The following MCPH1 variants were observed in gnomAD, a reference collection of about 807,000 sequenced individuals.
MCPH1 encodes microcephalin.
Under a neutral mutation model 84.5 loss-of-function variants are expected in MCPH1, and 104 were observed. That is an observed-to-expected ratio of 1.23 (90% CI 1.05 to 1.45). The LOEUF is 1.45. Ranked by LOEUF, MCPH1 falls within the 40% of genes most tolerant of loss-of-function variation. MCPH1 has a pLI of 0.00. For synonymous variants in MCPH1, 514 were observed against 366.8 expected, an observed-to-expected ratio of 1.40 and a Z score of -4.58; for missense variants, 1,498 against 1,005.7, an observed-to-expected ratio of 1.49 and a Z score of -6.62.
rs574544550 is a variant in MCPH1, at chr8:6,444,994, G to C, written c.1272G>C (p.Arg424Ser). The change falls in exon 8 of 14, where the codon AGG (arginine) becomes AGC (serine). Residue 424 changes from arginine to serine, a missense_variant. By Grantham distance (110) the Arg-to-Ser change is moderately radical (BLOSUM62 -1). Transcript: ENST00000344683. ...TTTCACCTGATAATCTTAAGGAAAG[G>C]TATTCAGAGAATCTTCCTCCTGAAT... ...DYFSPDNLKE[R>S]YSENLPPESQ... The C allele has an allele frequency of 1.2e-6, 2 of 1,614,170 alleles. No individual in the cohort carries two copies. The highest frequency in any genetic ancestry group is 2.2e-5 in the South Asian group (2 of 91,082).
chr8:6,407,196 C>G (rs937632953), intron 1 of MCPH1: 24 of 171,054 alleles, frequency 1.4e-4, no homozygotes, highest in African/African-American at 5.3e-4. Context: ...TCGACCCCCT[C>G]TGAGGCCCAC....
At chr8:6,497,093 T>C (rs773300240) in intron 11 of MCPH1, among the ~76,000 whole-genome samples, 17 of 152,214 alleles carry the variant, frequency 1.1e-4, no homozygotes, top group Admixed American at 2.6e-4. Context: ...TAAAAACTAA[T>C]TTCATTGGTC....
chr8:6,513,569 G>T, intron 12 of MCPH1: 3 of 741,454 alleles, frequency 4.0e-6, no homozygotes, highest in African/African-American at 1.8e-5. Flanking sequence ...TCCTGACCTC[G>T]TGATCTGCCC....
intron 12 of MCPH1, among the ~76,000 whole-genome samples, chr8:6,588,657 C>T (rs1437389668): frequency 2.6e-5 from 4 of 152,228 alleles, no homozygotes; most frequent in East Asian, 1.9e-4. Flanking sequence ...GGGCTTCACC[C>T]GCTGCTCTCC....
chr8:6,488,392 A>G (rs1462482270), intron 11 of MCPH1, among the ~76,000 whole-genome samples: 1 of 152,172 alleles, frequency 6.6e-6, no homozygotes, highest in Non-Finnish European at 1.5e-5. Context: ...ATGTGGAGAA[A>G]CCTGTGAGTG....
Position 6,429,584 on chromosome 8 carries a change from A to G in MCPH1, c.234-1915A>G, listed in dbSNP as rs3811110. 3.3e-3 allele frequency among the ~76,000 whole-genome samples: 490 copies of G among 148,162 alleles called. 24 individuals carry two copies. The East Asian group carries it at 0.087, about 26-fold the overall frequency. On this transcript the variant is annotated intron_variant, in intron 3 of 13. Coordinates refer to ENST00000344683, the MANE Select transcript of MCPH1 (RefSeq NM_024596.5). The stretch of plus-strand genomic sequence containing the variant: ...CCCAGACAGCTCTTATCTACTCTTT[A>G]TTTTTGTTGGTTTATGTCTTTTTGT...
chr8:6,568,370 G>A (rs1343375701), intron 12 of MCPH1, among the ~76,000 whole-genome samples: 1 of 152,158 alleles, frequency 6.6e-6, no homozygotes, highest in Non-Finnish European at 1.5e-5. Context: ...AGCAATCCGT[G>A]CAGCTCTCAT....
rs114134032 is a variant in MCPH1, at chr8:6,608,977, T to C, written c.2215-12477T>C. 6.2e-3 allele frequency among the ~76,000 whole-genome samples: 949 copies of C among 152,318 alleles called. 10 individuals are homozygous for C. Among genetic ancestry groups the C allele is most frequent in the African/African-American group, 0.022 (896 of 41,562 alleles). On this transcript the variant is annotated intron_variant, in intron 12 of 13. Transcript: ENST00000344683. ...GCACAGCTAGGATGAGCTTCTCCTC[T>C]GAAGCATGAAGACCCACAGAATACT...
At chr8:6,440,599 C>T (rs931958629) in intron 6 of MCPH1, among the ~76,000 whole-genome samples, 1 of 152,142 alleles carries the variant, frequency 6.6e-6, no homozygotes, top group Admixed American at 6.5e-5. Context: ...TATAAGAATG[C>T]CCCTTTCTCC....
intron 12 of MCPH1, among the ~76,000 whole-genome samples, chr8:6,583,443 G>A (rs556118066): frequency 6.6e-6 from 1 of 152,300 alleles, no homozygotes; most frequent in African/African-American, 2.4e-5. Context: ...GAATAAAACC[G>A]ACAAAATTCT....
intron 6 of MCPH1, among the ~76,000 whole-genome samples, chr8:6,440,230 T>G (rs1476734638): frequency 2.0e-5 from 3 of 152,170 alleles, no homozygotes; most frequent in Admixed American, 6.5e-5. Context: ...ACCATATGGT[T>G]TGGTTGTTCT....
At chr8:6,535,314 A>G (rs1465720679) in intron 12 of MCPH1, among the ~76,000 whole-genome samples, 1 of 152,240 alleles carries the variant, frequency 6.6e-6, no homozygotes, top group East Asian at 1.9e-4. Flanking sequence ...GAAAACTTAA[A>G]GTCAAATTCC....
intron 4 of MCPH1, among the ~76,000 whole-genome samples, chr8:6,432,686 T>G (rs1362018659): frequency 6.6e-6 from 1 of 152,210 alleles, no homozygotes; most frequent in African/African-American, 2.4e-5. Flanking sequence ...AACTGTGAAT[T>G]TCACATTTCC....
At chr8:6,579,861 A>G (rs1035453699) in intron 12 of MCPH1, among the ~76,000 whole-genome samples, 2 of 152,162 alleles carry the variant, frequency 1.3e-5, no homozygotes, top group African/African-American at 2.4e-5. Context: ...TAAGGGGGCT[A>G]TGTCGCCAAT....
intron 3 of MCPH1, among the ~76,000 whole-genome samples, chr8:6,423,488 T>A (rs1486838209): frequency 1.3e-5 from 2 of 152,210 alleles, no homozygotes; most frequent in African/African-American, 4.8e-5. Context: ...CAACTTTTTA[T>A]TACAGGTCAT....
chr8:6,539,579 T>G (rs537763738), intron 12 of MCPH1, among the ~76,000 whole-genome samples: 1 of 152,246 alleles, frequency 6.6e-6, no homozygotes, highest in Non-Finnish European at 1.5e-5. Flanking sequence ...TTTTTTCTAG[T>G]CATACTTTTT....
chr8:6,446,276 T>C (rs1169456200), intron 8 of MCPH1: 1 of 984,990 alleles, frequency 1.0e-6, no homozygotes, highest in African/African-American at 1.7e-5. Context: ...GCAACCAAAA[T>C]TGAAGAAATC....
chr8:6,626,761 C>G (rs1201921709), intron 13 of MCPH1: 1 of 985,200 alleles, frequency 1.0e-6, no homozygotes, highest in Non-Finnish European at 1.2e-6. Context: ...GGGTGGAGCT[C>G]TGAGCCCTGG....
chr8:6,503,485 C>G (rs1245545926), intron 12 of MCPH1, among the ~76,000 whole-genome samples: 3 of 152,192 alleles, frequency 2.0e-5, no homozygotes, highest in African/African-American at 7.2e-5. Context: ...AAGCCTTCTT[C>G]CACCTTTTCC....
Sources: allele counts gnomAD v4.1 joint callset (sites outside exome capture counted in the v4.1 genomes callset), GRCh38; gene constraint gnomAD v4.1.1; transcripts MANE v1.5; gene names NCBI Gene and HGNC (gene_info 2026-07-23, HGNC 2026-07-21).